The following CARS1 variants were observed in gnomAD, a reference collection of about 807,000 sequenced individuals.
CARS1 encodes cysteinyl-tRNA synthetase 1.
In CARS1, 48 loss-of-function variants were observed where a neutral mutation model predicts 106.2. That is an observed-to-expected ratio of 0.45 (90% confidence interval 0.36 to 0.57). The LOEUF is 0.57. CARS1 is among the 20% of genes least tolerant of loss of function. The pLI is 0.00. For synonymous variants in CARS1, 409 were observed against 403.4 expected (o/e 1.01, Z -0.17); for missense variants, 968 against 1,057.2 (o/e 0.92, Z 1.17).
chr11:3,026,417 G>A (rs563055442), intron 10 of CARS1, among the ~76,000 whole-genome samples: 11 of 152,062 alleles, frequency 7.2e-5, no homozygotes, highest in Non-Finnish European at 1.2e-4. Flanking sequence ...CATCACACAC[G>A]GTGTGCATGT....
In CARS1 at chr11:3,057,387, G is replaced by A. The variant is rs758965813; in HGVS notation, c.-20C>T. Reference sequence around the variant, plus strand: ...TGCCATGGCTGGGAATCCCGGACCCGCAGCTGCGGCTACAGACACTTCCTA... The same window carrying A: ...TGCCATGGCTGGGAATCCCGGACCCACAGCTGCGGCTACAGACACTTCCTA... On this transcript the variant is annotated 5_prime_UTR_variant, in exon 1 of 23. Coordinates refer to ENST00000380525, the MANE Select transcript of CARS1 (RefSeq NM_001014437.3). The A allele has an allele frequency of 3.7e-6, 6 of 1,607,244 alleles. No individual in the cohort carries two copies. The highest frequency in any genetic ancestry group is 5.1e-6 in the Non-Finnish European group (6 of 1,176,914).
rs533692865 is a variant in CARS1 at position 3,043,230 on chromosome 11, C to T, written c.275-974G>A. On this transcript the variant is annotated intron_variant, in intron 2 of 22. Coordinates refer to ENST00000380525, the MANE Select transcript of CARS1 (RefSeq NM_001014437.3). The surrounding 1 kb of genome is among the most constrained non-coding windows in gnomAD (Gnocchi z 4.0). ...CACAAGGCTGTCCTTACACAACCTG[C>T]ATCTGAGATCCCTGAAGGGGCAGAG... Among the ~76,000 whole-genome samples, 1 of 152,032 alleles carries T rather than the reference C, an allele frequency of 6.6e-6. No individual in the cohort carries two copies. Among genetic ancestry groups the T allele is most frequent in the Non-Finnish European group, 1.5e-5 (1 of 68,016 alleles).
Position 3,017,924 on chromosome 11 carries a change from GA to G in CARS1, c.1659del (p.Arg554AlafsTer20). 6.2e-7 allele frequency: 1 copy of G among 1,613,722 alleles called. No individual in the cohort carries two copies. The highest frequency in any genetic ancestry group is 8.5e-7 in the Non-Finnish European group (1 of 1,179,696). On this transcript the variant is annotated frameshift_variant, in exon 15 of 23. Coordinates refer to ENST00000380525, the MANE Select transcript of CARS1 (RefSeq NM_001014437.3). LOFTEE classifies it high-confidence loss of function. The surrounding 1 kb of genome is among the most constrained non-coding windows in gnomAD (Gnocchi z 4.9). ...TGACCAGTGATGTCAACAGGAGCGC[GA>G]AGGATATCTTTCACATTTAAGAAAA... ...NEFFLNVKDI[L>X]RAPVDITGQF...
chr11:3,029,476 G>A lies in CARS1; in HGVS notation c.802-33C>T. Reference sequence around the variant, plus strand: ...GAAAGAAACAAAAATCCAGCAGCGGGCCACACACTTCACATGAGAACATCT... The same window carrying A: ...GAAAGAAACAAAAATCCAGCAGCGGACCACACACTTCACATGAGAACATCT... On this transcript the variant is annotated intron_variant, in intron 7 of 22. Transcript: ENST00000380525. This position sits in a 1 kb window ranked among gnomAD's most constrained non-coding sequence, Gnocchi z 5.9. 1 of 1,608,828 alleles carries A rather than the reference G, an allele frequency of 6.2e-7. No individual in the cohort carries two copies. The highest frequency in any genetic ancestry group is 1.1e-5 in the South Asian group (1 of 91,008).
rs1441227660 is a variant in CARS1, at chr11:3,045,936, C to T, written c.274+1817G>A. ...CACTCGAGGTCACTGGATGCTCTAG[C>T]AGTCCCAGACTCCAGCTCCCACCTC... On this transcript the variant is annotated intron_variant, in intron 2 of 22. Transcript: ENST00000380525. This position sits in a 1 kb window ranked among gnomAD's most constrained non-coding sequence, Gnocchi z 5.6. Among the ~76,000 whole-genome samples, 1 of 152,206 alleles carries T rather than the reference C, an allele frequency of 6.6e-6. No individual in the cohort carries two copies. Among genetic ancestry groups the T allele is most frequent in the African/African-American group, 2.4e-5 (1 of 41,438 alleles).
intron 1 of CARS1, among the ~76,000 whole-genome samples, chr11:3,055,734 T>C (rs1306868334): frequency 6.6e-6 from 1 of 152,254 alleles, no homozygotes; most frequent in Non-Finnish European, 1.5e-5. Context: ...GTCATTTACG[T>C]TCACAAATGA....
intron 20 of CARS1, 35 bp from the exon 21 acceptor site, chr11:3,002,635 C>T: frequency 6.2e-7 from 1 of 1,612,902 alleles, no homozygotes; most frequent in Admixed American, 1.7e-5. Context: ...TGAGACAGGG[C>T]TGCCTCAGGC....
chr11:3,035,417 T>C (rs1241264135), intron 7 of CARS1, among the ~76,000 whole-genome samples: 1 of 152,152 alleles, frequency 6.6e-6, no homozygotes, highest in African/African-American at 2.4e-5. Context: ...ACAATACAAA[T>C]GCAGGTGTAT....
At chr11:3,032,892 C>G (rs1465027258) in intron 7 of CARS1, among the ~76,000 whole-genome samples, 1 of 151,172 alleles carries the variant, frequency 6.6e-6, no homozygotes, top group Non-Finnish European at 1.5e-5. Flanking sequence ...CTAAAGTAAA[C>G]CACGGACTCA....
At chr11:3,015,926 TC>T (rs2134134176) in intron 16 of CARS1, 77 bp from the exon 17 acceptor site, 1 of 1,268,290 alleles carries the variant, frequency 7.9e-7, no homozygotes, top group East Asian at 2.3e-5. Flanking sequence ...TGAGCTGTGT[TC>T]CTCGTTCACG....
At position 3,037,712 on chromosome 11, in the gene CARS1, G is replaced by A. The variant is rs1025244286; in HGVS notation, c.801+338C>T. Reference sequence around the variant, plus strand: ...TCTCCAGCTGGTGTGGGGAGAGTCCGCTGGAGAATCTTGGAACACTTCGAC... The same window carrying A: ...TCTCCAGCTGGTGTGGGGAGAGTCCACTGGAGAATCTTGGAACACTTCGAC... On this transcript the variant is annotated intron_variant, in intron 7 of 22. Coordinates refer to ENST00000380525, the MANE Select transcript of CARS1 (RefSeq NM_001014437.3). The surrounding 1 kb of genome is among the most constrained non-coding windows in gnomAD (Gnocchi z 5.9). Among the ~76,000 whole-genome samples, 22 of 152,188 alleles carry A rather than the reference G, an allele frequency of 1.4e-4. No individual in the cohort carries two copies. Among genetic ancestry groups the A allele is most frequent in the African/African-American group, 5.1e-4 (21 of 41,444 alleles).
chr11:3,033,563 G>A lies in CARS1; in HGVS notation c.802-4120C>T, dbSNP rs546911686. ...TAGAAATTGTTTACAAGTAAATGATGTCAAATTTTGCAGCAAAAACAGTCA... is the reference window on the plus strand; with the variant it reads ...TAGAAATTGTTTACAAGTAAATGATATCAAATTTTGCAGCAAAAACAGTCA... On this transcript the variant is annotated intron_variant, in intron 7 of 22. Transcript: ENST00000380525. Among the ~76,000 whole-genome samples, 20 of 152,284 alleles carry A rather than the reference G, an allele frequency of 1.3e-4. No homozygotes were observed. In the East Asian group the frequency reaches 3.3e-3, roughly 25 times the overall value.
rs545792484 is a variant in CARS1 at position 3,017,426 on chromosome 11, T to C, written c.1728-131A>G. ...GGGAGGCTGAGGTGGGCGGATCACC[T>C]GAGGTCGGGAGTTCGAGACCAGCCT... is the stretch of plus-strand genomic sequence containing the variant. On this transcript the variant is annotated intron_variant, in intron 15 of 22. Coordinates refer to ENST00000380525, the MANE Select transcript of CARS1 (RefSeq NM_001014437.3). The surrounding 1 kb of genome is among the most constrained non-coding windows in gnomAD (Gnocchi z 4.9). 81 of 727,814 alleles carry C rather than the reference T, an allele frequency of 1.1e-4. No homozygotes were observed. Among genetic ancestry groups the C allele is most frequent in the Non-Finnish European group, 1.6e-4 (71 of 437,242 alleles). 45.1% of individuals were successfully genotyped at this position (727,814 alleles called of 1,614,324 possible). A position where few individuals can be genotyped will look rare whatever the true frequency, so the allele number is the denominator to read the frequency against.
chr11:3,002,577 C>A lies in CARS1; in HGVS notation c.2241G>T (p.Lys747Asn). 1 of 1,614,208 alleles carries A rather than the reference C, an allele frequency of 6.2e-7. No individual in the cohort carries two copies. The highest frequency in any genetic ancestry group is 8.5e-7 in the Non-Finnish European group (1 of 1,180,008). ...KRRVEEEKRK[K>N]KEEAARRKQE... Reference sequence around the variant, plus strand: ...GTTTCCTCCGGGCCGCCTCCTCTTTCTTCTTCCTCTTCTCCTCTTCAACCT... The same window carrying A: ...GTTTCCTCCGGGCCGCCTCCTCTTTATTCTTCCTCTTCTCCTCTTCAACCT... The change falls in exon 21 of 23, where the codon AAG becomes AAT. Residue 747 changes from lysine (K) to asparagine (N), a missense_variant. Physicochemically the swap from Lys to Asn is moderately conservative, Grantham distance 94. Coordinates refer to ENST00000380525, the MANE Select transcript of CARS1 (RefSeq NM_001014437.3).
At chr11:3,026,095 A>G (rs377109393) in intron 10 of CARS1, among the ~76,000 whole-genome samples, 12 of 152,256 alleles carry the variant, frequency 7.9e-5, no homozygotes, top group African/African-American at 2.4e-4. Flanking sequence ...CAGGCAGAGA[A>G]AGACAAATAT....
chr11:3,038,210 A>T lies in CARS1; in HGVS notation c.652-11T>A. The T allele has an allele frequency of 6.2e-7, 1 of 1,612,984 alleles. No individual in the cohort carries two copies. The highest frequency in any genetic ancestry group is 8.5e-7 in the Non-Finnish European group (1 of 1,179,062). On this transcript the variant is annotated splice_polypyrimidine_tract_variant and intron_variant, in intron 6 of 22. Transcript: ENST00000380525. This position sits in a 1 kb window ranked among gnomAD's most constrained non-coding sequence, Gnocchi z 4.0. Reference sequence around the variant, plus strand: ...TTTTACTGAAAATGGCTGCAACCATAAAGAGACGTCAAATCTATTAGATAC... The same window carrying T: ...TTTTACTGAAAATGGCTGCAACCATTAAGAGACGTCAAATCTATTAGATAC...
chr11:3,056,564 C>T (rs1272353442), intron 1 of CARS1, among the ~76,000 whole-genome samples: 1 of 152,184 alleles, frequency 6.6e-6, no homozygotes, highest in Non-Finnish European at 1.5e-5. Context: ...TGACAATCAG[C>T]TTGCAGTGGA....
At chr11:3,054,754 G>A in intron 1 of CARS1, 1 of 641,952 alleles carries the variant, frequency 1.6e-6, no homozygotes, top group South Asian at 1.8e-5. Flanking sequence ...AGGGTGGCAG[G>A]AGATAACAGA....
intron 17 of CARS1, among the ~76,000 whole-genome samples, chr11:3,012,784 T>A (rs1850607295): frequency 6.6e-6 from 1 of 152,070 alleles, no homozygotes; most frequent in South Asian, 2.1e-4. Context: ...ATTAAGCACC[T>A]ACTATCTACA....
Sources: allele counts gnomAD v4.1 joint callset (sites outside exome capture counted in the v4.1 genomes callset), GRCh38; gene constraint gnomAD v4.1.1; non-coding constraint Gnocchi (gnomAD v3.1); transcripts MANE v1.5; gene names NCBI Gene and HGNC (gene_info 2026-07-23, HGNC 2026-07-21).